SPOCK3: variants seen among roughly 807,000 people sequenced by gnomAD.
SPOCK3 encodes SPARC (osteonectin), cwcv and kazal like domains proteoglycan 3.
In SPOCK3, 30 loss-of-function variants were observed where a neutral mutation model predicts 56.6. The observed-to-expected ratio is 0.53, with a 90% confidence interval of 0.40 to 0.72. The LOEUF is 0.72. SPOCK3 is among the 30% of genes least tolerant of loss of function. The probability of loss-of-function intolerance (pLI) is 0.00; values close to 1 mark genes in which losing one functional copy is unlikely to be tolerated. For synonymous variants in SPOCK3, 196 were observed against 183.3 expected (o/e 1.07, Z -0.56); for missense variants, 527 against 530.0 (o/e 0.99, Z 0.06).
At chr4:167,105,567 GA>G (rs75384937) in intron 2 of SPOCK3, among the ~76,000 whole-genome samples, 19,246 of 140,586 alleles carry the variant, frequency 0.14, 1,458 homozygotes, top group East Asian at 0.18. Flanking sequence ...AAGCAACCAG[GA>G]AAAAAAAAAA....
At position 167,060,057 on chromosome 4, in the gene SPOCK3, C is replaced by T. The variant is rs567202219; in HGVS notation, c.235+2435G>A. ...AGGAGATATACCTAATGCTAAATGACGAGTTAATGGGTGCAGCACACCAGC... is the reference window on the plus strand; with the variant it reads ...AGGAGATATACCTAATGCTAAATGATGAGTTAATGGGTGCAGCACACCAGC... On this transcript the variant is annotated intron_variant, in intron 3 of 10. Transcript: ENST00000357545. Among the ~76,000 whole-genome samples, 104 of 151,554 alleles carry T rather than the reference C, an allele frequency of 6.9e-4. 1 individual carries two copies. The highest frequency in any genetic ancestry group is 2.4e-3 in the African/African-American group (98 of 41,334).
chr4:167,094,543 G>C (rs1758981597), intron 2 of SPOCK3, among the ~76,000 whole-genome samples: 1 of 151,904 alleles, frequency 6.6e-6, no homozygotes, highest in Non-Finnish European at 1.5e-5. Flanking sequence ...AATTAATGCT[G>C]AATAAATATT....
At position 166,942,531 on chromosome 4, in the gene SPOCK3, G is replaced by A. The variant is rs188009705; in HGVS notation, c.351-29788C>T. 3.4e-5 allele frequency among the ~76,000 whole-genome samples: 5 copies of A among 148,410 alleles called. No individual in the cohort carries two copies. In the East Asian group the frequency reaches 9.9e-4, roughly 29 times the overall value. On this transcript the variant is annotated intron_variant, in intron 4 of 10. Coordinates refer to ENST00000357545, the MANE Select transcript of SPOCK3 (RefSeq NM_001040159.2). ...ACAAAAGTTAAAGCAAAGGCGACAT[G>A]AACTCTGGAAATACTGAGAAATCCT...
chr4:167,227,445 T>A (rs1736701265), intron 2 of SPOCK3, among the ~76,000 whole-genome samples: 1 of 152,258 alleles, frequency 6.6e-6, no homozygotes, highest in Admixed American at 6.5e-5. Flanking sequence ...ATTTTGAATA[T>A]AATGTCACCT....
intron 4 of SPOCK3, among the ~76,000 whole-genome samples, chr4:166,976,103 T>A (rs892697992): frequency 6.6e-6 from 1 of 151,500 alleles, no homozygotes; most frequent in African/African-American, 2.4e-5. Flanking sequence ...CATACAACAC[T>A]CTCCACCCAC....
At chr4:166,987,532 A>G (rs1330843433) in intron 4 of SPOCK3, among the ~76,000 whole-genome samples, 1 of 152,140 alleles carries the variant, frequency 6.6e-6, no homozygotes, top group Non-Finnish European at 1.5e-5. Context: ...TAACACCATA[A>G]CCCAGGTGCC....
At chr4:167,010,159 G>C (rs564034450) in intron 3 of SPOCK3, among the ~76,000 whole-genome samples, 1 of 152,210 alleles carries the variant, frequency 6.6e-6, no homozygotes, top group South Asian at 2.1e-4. Context: ...GTGAATTTAC[G>C]AGTTAATGGC....
At chr4:166,949,762 G>A (rs1294672771) in intron 4 of SPOCK3, among the ~76,000 whole-genome samples, 1 of 152,130 alleles carries the variant, frequency 6.6e-6, no homozygotes. Context: ...CAAGCCAGAA[G>A]AGAGTGGGGG....
chr4:166,888,175 A>C (rs932380066), intron 6 of SPOCK3, among the ~76,000 whole-genome samples: 3 of 152,120 alleles, frequency 2.0e-5, no homozygotes, highest in African/African-American at 7.2e-5. Flanking sequence ...CAAGTATATC[A>C]TGCTCAATGA....
chr4:166,774,973 C>T (rs1229433319), intron 7 of SPOCK3, among the ~76,000 whole-genome samples: 1 of 152,188 alleles, frequency 6.6e-6, no homozygotes, highest in Non-Finnish European at 1.5e-5. Flanking sequence ...AGTACCTAGA[C>T]TACTGTGTGG....
At chr4:167,032,366 G>A (rs1561140954) in intron 3 of SPOCK3, among the ~76,000 whole-genome samples, 1 of 151,894 alleles carries the variant, frequency 6.6e-6, no homozygotes, top group African/African-American at 2.4e-5. Context: ...AGCAAACTGA[G>A]TATCACAAAG....
chr4:166,934,338 A>AAG (rs1740134146), intron 4 of SPOCK3, among the ~76,000 whole-genome samples: 1 of 151,114 alleles, frequency 6.6e-6, no homozygotes. Flanking sequence ...AAATACAAAA[A>AAG]AAAAAAAAAA....
At chr4:167,081,979 T>C (rs985990630) in intron 2 of SPOCK3, among the ~76,000 whole-genome samples, 3 of 152,042 alleles carry the variant, frequency 2.0e-5, no homozygotes, top group Admixed American at 2.0e-4. Context: ...TCTTCATGCA[T>C]GTCTCTTATC....
intron 6 of SPOCK3, among the ~76,000 whole-genome samples, chr4:166,848,827 C>T (rs951977057): frequency 2.0e-5 from 3 of 152,152 alleles, no homozygotes; most frequent in African/African-American, 7.2e-5. Flanking sequence ...CTTTTTGTTA[C>T]TCCCTTAGTT....
intron 6 of SPOCK3, among the ~76,000 whole-genome samples, chr4:166,819,477 G>A (rs547121031): frequency 6.6e-6 from 1 of 152,022 alleles, no homozygotes; most frequent in South Asian, 2.1e-4. Context: ...AAGTCCTAAG[G>A]AATACACATA....
chr4:166,785,181 T>G (rs1344426662), intron 7 of SPOCK3, among the ~76,000 whole-genome samples: 2 of 152,140 alleles, frequency 1.3e-5, no homozygotes, highest in Non-Finnish European at 2.9e-5. Flanking sequence ...TATTTTAAGA[T>G]TTTTACCATC....
chr4:167,028,967 G>T lies in SPOCK3; in HGVS notation c.236-28504C>A, dbSNP rs186100034. On this transcript the variant is annotated intron_variant, in intron 3 of 10. Coordinates refer to ENST00000357545, the MANE Select transcript of SPOCK3 (RefSeq NM_001040159.2). The stretch of plus-strand genomic sequence containing the variant: ...TGGGGTACATGTGCAGGATGTGCAG[G>T]TTTGTTATATAGGTAAACGAGTGCC... Among the ~76,000 whole-genome samples, 516 of 152,058 alleles carry T rather than the reference G, an allele frequency of 3.4e-3. 6 individuals carry two copies. Among genetic ancestry groups the T allele is most frequent in the African/African-American group, 0.012 (498 of 41,508 alleles).
rs372139824 is a variant in SPOCK3 at position 166,864,461 on chromosome 4, G to A, written c.589+24669C>T. ...GAAGAACTGAAGGAGATAGAGACACGAAAAACCTTTCAAAACATCCATGAA... is the reference window on the plus strand; with the variant it reads ...GAAGAACTGAAGGAGATAGAGACACAAAAAACCTTTCAAAACATCCATGAA... On this transcript the variant is annotated intron_variant, in intron 6 of 10. Transcript: ENST00000357545. Among the ~76,000 whole-genome samples the A allele has an allele frequency of 5.9e-5, 9 of 151,638 alleles. 1 individual carries two copies. The highest frequency in any genetic ancestry group is 4.1e-4 in the South Asian group (2 of 4,824).
chr4:167,135,605 T>A (rs753213456), intron 2 of SPOCK3, among the ~76,000 whole-genome samples: 25 of 151,954 alleles, frequency 1.6e-4, no homozygotes, highest in Non-Finnish European at 3.2e-4. Context: ...TCATGGCAGA[T>A]CAAAAACCCA....
Sources: gnomAD v4.1 joint callset for allele counts (sites outside exome capture counted in the v4.1 genomes callset) on GRCh38, gnomAD v4.1.1 for gene constraint, MANE v1.5 for transcripts, NCBI Gene and HGNC (gene_info 2026-07-23, HGNC 2026-07-21) for gene names.